The following SNAPC3 variants were observed in gnomAD, a reference collection of about 807,000 sequenced individuals.
SNAPC3 encodes snRNA-activating protein complex subunit 3.
In SNAPC3, 56 loss-of-function variants were observed where a neutral mutation model predicts 47.7. The observed-to-expected ratio is 1.18, with a 90% CI of 0.95 to 1.47. The LOEUF (loss-of-function observed/expected upper bound fraction) is 1.47. Among genes scored for constraint, SNAPC3 ranks in the 40% most tolerant of loss-of-function variants. SNAPC3 has a pLI of 0.00. For synonymous variants in SNAPC3, 235 were observed against 189.9 expected (o/e 1.24, Z -1.95); for missense variants, 665 against 511.3 (o/e 1.30, Z -2.90).
At chr9:15,463,257 C>G (rs1292759798), downstream of SNAPC3, 1 of 111,520 alleles carries the variant, frequency 9.0e-6, no homozygotes. Context: ...TGGAGTCTTG[C>G]TCTGTCTCCC....
At chr9:15,440,721 G>A (rs528674425) in intron 3 of SNAPC3, among the ~76,000 whole-genome samples, 9 of 151,758 alleles carry the variant, frequency 5.9e-5, no homozygotes, top group Non-Finnish European at 1.0e-4. Context: ...AGGCCGAGGC[G>A]GGCGGATCAC....
At chr9:15,452,422 G>A (rs1055485168) in intron 6 of SNAPC3, among the ~76,000 whole-genome samples, 6 of 151,260 alleles carry the variant, frequency 4.0e-5, no homozygotes, top group Non-Finnish European at 7.4e-5. Flanking sequence ...AGTTTCAAGC[G>A]ATTCTCCTGC....
At chr9:15,445,366 A>G (rs1301158759) in intron 4 of SNAPC3, among the ~76,000 whole-genome samples, 1 of 152,200 alleles carries the variant, frequency 6.6e-6, no homozygotes, top group African/African-American at 2.4e-5. Context: ...GAATTAGCCT[A>G]TGTTCACTAA....
chr9:15,435,227 T>G (rs969676804), intron 3 of SNAPC3, among the ~76,000 whole-genome samples: 10 of 152,364 alleles, frequency 6.6e-5, no homozygotes, highest in Middle Eastern at 3.4e-3. Context: ...GAAAAAGATC[T>G]ATTAAAATAT....
Position 15,452,322 on chromosome 9 carries a change from A to ATTT in SNAPC3, c.816-706_816-704dup, listed in dbSNP as rs35695129. On this transcript the variant is annotated intron_variant, in intron 6 of 8. Transcript: ENST00000380821. Reference sequence around the variant, plus strand: ...ACAGTTCAAACCTATTGGTTTCAGCATTTTTTTTTTTTTTTGAGACAGTTT... The same window carrying ATTT: ...ACAGTTCAAACCTATTGGTTTCAGCATTTTTTTTTTTTTTTTTTGAGACAGTTT... Among the ~76,000 whole-genome samples, 961 of 140,516 alleles carry ATTT rather than the reference A, an allele frequency of 6.8e-3. 16 individuals are homozygous for ATTT. Among genetic ancestry groups the ATTT allele is most frequent in the East Asian group, 0.028 (133 of 4,720 alleles). The allele number at this position is 140,516 out of a possible 152,430, so 92.2% of individuals were successfully genotyped here. A position where few individuals can be genotyped will look rare whatever the true frequency, so the allele number is the denominator to read the frequency against.
chr9:15,437,286 G>A (rs1187972624), intron 3 of SNAPC3, among the ~76,000 whole-genome samples: 2 of 151,036 alleles, frequency 1.3e-5, no homozygotes, highest in Non-Finnish European at 3.0e-5. Context: ...CAGGCTGAGT[G>A]CAGTGGCACA....
intron 3 of SNAPC3, among the ~76,000 whole-genome samples, chr9:15,441,378 C>CTTTTTTTT (rs1351664407): frequency 4.9e-5 from 2 of 40,528 alleles, no homozygotes; most frequent in African/African-American, 1.5e-4. Context: ...CAAGAGTTCC[C>CTTTTTTTT]TTTTCTTTTT....
In SNAPC3 at chr9:15,455,311, A is replaced by C. The variant is rs1330563730; in HGVS notation, c.980+2106A>C. On this transcript the variant is annotated intron_variant, in intron 7 of 8. Coordinates refer to ENST00000380821, the MANE Select transcript of SNAPC3 (RefSeq NM_001039697.2). The stretch of plus-strand genomic sequence containing the variant: ...GCCTGGCATGGTGGCTCATGCCTGT[A>C]ATCCCAGCACTTCGGGAGGCCAAGG... Among the ~76,000 whole-genome samples the C allele has an allele frequency of 3.9e-5, 6 of 152,228 alleles. No homozygotes were observed. The South Asian group carries it at 1.2e-3, about 31-fold the overall frequency.
chr9:15,440,195 G>A (rs956431389), intron 3 of SNAPC3, among the ~76,000 whole-genome samples: 7 of 152,114 alleles, frequency 4.6e-5, no homozygotes, highest in East Asian at 1.9e-4. Context: ...CAGAAAAATC[G>A]TAGAGGAGTG....
intron 3 of SNAPC3, among the ~76,000 whole-genome samples, chr9:15,437,622 GTTTT>G (rs577506548): frequency 8.6e-6 from 1 of 115,738 alleles, no homozygotes; most frequent in Non-Finnish European, 1.9e-5. Context: ...ATGATCTGTT[GTTTT>G]TTTTTTTTTT....
chr9:15,465,730 CATT>C (rs746909526), downstream of SNAPC3: 44 of 580,818 alleles, frequency 7.6e-5, 1 homozygote, highest in South Asian at 4.5e-4. Context: ...TTAGAACAGT[CATT>C]ATTATTTTTT....
Position 15,444,711 on chromosome 9 carries a change from G to A in SNAPC3, c.582+5G>A, listed in dbSNP as rs780951521. On this transcript the variant is annotated splice_donor_5th_base_variant and intron_variant, in intron 4 of 8. Coordinates refer to ENST00000380821, the MANE Select transcript of SNAPC3 (RefSeq NM_001039697.2). ...TACCCTGTTATATTTCATAAGGTAA[G>A]TAGTAAAACCTTTTGGATTTTATGG... 7.5e-6 allele frequency: 11 copies of A among 1,475,584 alleles called. No homozygotes were observed. In the South Asian group the frequency reaches 1.3e-4, roughly 17 times the overall value. 91.4% of individuals were successfully genotyped at this position (1,475,584 alleles called of 1,614,324 possible).
chr9:15,439,374 G>A (rs1453822887), intron 3 of SNAPC3, among the ~76,000 whole-genome samples: 2 of 151,804 alleles, frequency 1.3e-5, no homozygotes, highest in East Asian at 3.9e-4. Context: ...ATCCTTCTTT[G>A]TCTATTGAAA....
intron 1 of SNAPC3, 48 bp downstream of exon 1, chr9:15,423,241 G>A: frequency 1.3e-6 from 2 of 1,506,894 alleles, no homozygotes; most frequent in Non-Finnish European, 1.8e-6. Context: ...CAAACAGGGT[G>A]CAGCCTTGCT....
intron 2 of SNAPC3, among the ~76,000 whole-genome samples, chr9:15,426,569 T>C (rs1021039373): frequency 2.0e-5 from 3 of 152,236 alleles, no homozygotes; most frequent in South Asian, 2.1e-4. Context: ...TTCAGAAGAC[T>C]CAGGAAGTGA....
chr9:15,440,667 G>C lies in SNAPC3; in HGVS notation c.478-3935G>C, dbSNP rs192377073. ...ATAGATAGATAGATTTAAAAAATCAGGGCCGGGCGCGGTGGCTCACGCCTG... is the reference window on the plus strand; with the variant it reads ...ATAGATAGATAGATTTAAAAAATCACGGCCGGGCGCGGTGGCTCACGCCTG... On this transcript the variant is annotated intron_variant, in intron 3 of 8. Coordinates refer to ENST00000380821, the MANE Select transcript of SNAPC3 (RefSeq NM_001039697.2). Among the ~76,000 whole-genome samples the C allele has an allele frequency of 1.2e-3, 188 of 152,234 alleles. 1 individual carries two copies. Among genetic ancestry groups the C allele is most frequent in the African/African-American group, 4.3e-3 (178 of 41,546 alleles).
In SNAPC3 at chr9:15,433,534, CT is replaced by C. The variant is rs2032429243; in HGVS notation, c.393-14del. ...ATGTTGAACTTTGATTTTTTTTTTT[CT>C]TTTACATCTACAACAGGGTTAGAAA... On this transcript the variant is annotated splice_polypyrimidine_tract_variant and intron_variant, in intron 2 of 8. Transcript: ENST00000380821. The C allele has an allele frequency of 7.1e-7, 1 of 1,407,840 alleles. No individual in the cohort carries two copies. The allele number at this position is 1,407,840 out of a possible 1,614,324, so 87.2% of individuals were successfully genotyped here. A position where few individuals can be genotyped will look rare whatever the true frequency, so the allele number is the denominator to read the frequency against.
At chr9:15,430,089 TTATG>T (rs2031940838) in intron 2 of SNAPC3, among the ~76,000 whole-genome samples, 1 of 152,220 alleles carries the variant, frequency 6.6e-6, no homozygotes, top group Non-Finnish European at 1.5e-5. Flanking sequence ...CAAAAATTGA[TTATG>T]TATTAGGTCA....
chr9:15,444,561 G>T (rs2033772852), intron 3 of SNAPC3, 41 bp from the exon 4 acceptor site: 2 of 1,266,570 alleles, frequency 1.6e-6, no homozygotes, highest in African/African-American at 1.5e-5. Context: ...TCTTATCTGA[G>T]TTATAGTATC....
Sources: allele counts gnomAD v4.1 joint callset (sites outside exome capture counted in the v4.1 genomes callset), GRCh38; gene constraint gnomAD v4.1.1; transcripts MANE v1.5; gene names NCBI Gene and HGNC (gene_info 2026-07-23, HGNC 2026-07-21).